CYTH1: variants seen among roughly 807,000 people sequenced by gnomAD.
The protein encoded by CYTH1 is cytohesin-1.
Under a neutral mutation model 61.8 loss-of-function variants are expected in CYTH1, and 18 were observed. The ratio of observed to expected loss-of-function variants is 0.29; its 90% CI spans 0.20 to 0.43. CYTH1 has a LOEUF of 0.43. CYTH1 is among the 20% of genes least tolerant of loss of function. The pLI, the probability that CYTH1 is intolerant of heterozygous loss-of-function variation, is 1.00. For missense variants in CYTH1, 336 were observed against 510.5 expected (o/e 0.66, Z 3.29); for synonymous variants, 174 against 184.3 (o/e 0.94, Z 0.45).
chr17:78,729,456 A>G (rs1286063325), intron 1 of CYTH1, among the ~76,000 whole-genome samples: 1 of 152,238 alleles, frequency 6.6e-6, no homozygotes, highest in Non-Finnish European at 1.5e-5. Context: ...ACCATTTTCC[A>G]TTAGTCTGGC....
intron 1 of CYTH1, among the ~76,000 whole-genome samples, chr17:78,711,767 A>G (rs1286310503): frequency 6.6e-6 from 1 of 150,662 alleles, no homozygotes; most frequent in African/African-American, 2.4e-5. Flanking sequence ...TTTTTTAAAC[A>G]TCTCAAAATC....
chr17:78,719,718 C>G (rs2093211972), intron 1 of CYTH1, among the ~76,000 whole-genome samples: 1 of 152,118 alleles, frequency 6.6e-6, no homozygotes, highest in Non-Finnish European at 1.5e-5. Context: ...AATTTTGAGA[C>G]AGTCCTCAGG....
At chr17:78,776,130 G>A (rs1176175608) in intron 1 of CYTH1, among the ~76,000 whole-genome samples, 1 of 152,068 alleles carries the variant, frequency 6.6e-6, no homozygotes, top group Admixed American at 6.6e-5. Context: ...ACTTCAGCCT[G>A]GGAAACAGAG....
intron 1 of CYTH1, among the ~76,000 whole-genome samples, chr17:78,780,358 A>T (rs1671728316): frequency 6.6e-6 from 1 of 152,122 alleles, no homozygotes. Context: ...AAATAAAAAT[A>T]ATTAGCAGGG....
chr17:78,751,430 G>C (rs1415549363), intron 1 of CYTH1, among the ~76,000 whole-genome samples: 1 of 151,740 alleles, frequency 6.6e-6, no homozygotes, highest in African/African-American at 2.4e-5. Context: ...ATTATGATTA[G>C]GGGCTATTTT....
intron 1 of CYTH1, among the ~76,000 whole-genome samples, chr17:78,763,596 C>T (rs1422381900): frequency 6.6e-6 from 1 of 151,670 alleles, no homozygotes; most frequent in Non-Finnish European, 1.5e-5. Flanking sequence ...TAATAAAGAA[C>T]ATTATAATAA....
chr17:78,698,719 C>A, intron 8 of CYTH1, 101 bp downstream of exon 8: 1 of 1,340,838 alleles, frequency 7.5e-7, no homozygotes, highest in Non-Finnish European at 1.0e-6. Flanking sequence ...AAGAGGAGAC[C>A]CTTGATAAAT....
rs59089202 is a variant in CYTH1, at chr17:78,760,585, GTA to G, written c.22+21615_22+21616del. 1.7e-4 allele frequency among the ~76,000 whole-genome samples: 8 copies of G among 47,348 alleles called. 1 individual carries two copies. The East Asian group carries it at 2.3e-3, about 13-fold the overall frequency. The allele number at this position is 47,348 out of a possible 152,430, so 31.1% of individuals were successfully genotyped here. ...TATATATATACACATACATATATAT[GTA>G]TATATATGTATATATATAGTTTAAA... On this transcript the variant is annotated intron_variant, in intron 1 of 13. Coordinates refer to ENST00000446868, the MANE Select transcript of CYTH1 (RefSeq NM_004762.6).
chr17:78,678,214 G>C (rs969123469), intron 13 of CYTH1: 1 of 152,232 alleles, frequency 6.6e-6, no homozygotes, highest in Non-Finnish European at 1.5e-5. Flanking sequence ...TAGTTTTTCT[G>C]ACTATAGAAG....
chr17:78,722,099 C>T (rs1567859679), intron 1 of CYTH1, among the ~76,000 whole-genome samples: 1 of 152,104 alleles, frequency 6.6e-6, no homozygotes, highest in Non-Finnish European at 1.5e-5. Flanking sequence ...AATCCTAGAA[C>T]TCAAAGACTT....
At chr17:78,762,467 C>T (rs1377913729) in intron 1 of CYTH1, among the ~76,000 whole-genome samples, 1 of 152,152 alleles carries the variant, frequency 6.6e-6, no homozygotes, top group East Asian at 1.9e-4. Context: ...CCCATTCTCA[C>T]AAGAAACATT....
chr17:78,740,620 G>A (rs182849944), intron 1 of CYTH1, among the ~76,000 whole-genome samples: 37 of 152,280 alleles, frequency 2.4e-4, no homozygotes, highest in African/African-American at 8.7e-4. Flanking sequence ...AGGAAATAAT[G>A]AATCTCATGT....
intron 12 of CYTH1, 130 bp downstream of exon 12, chr17:78,680,841 A>G (rs1007994013): frequency 6.6e-6 from 6 of 908,544 alleles, no homozygotes; most frequent in Admixed American, 2.1e-5. Flanking sequence ...CTTGAACAAT[A>G]TAATAAAAAA....
rs2093354067 is a variant in CYTH1, at chr17:78,744,881, C to G, written c.23-35149G>C. Among the ~76,000 whole-genome samples the G allele has an allele frequency of 4.0e-5, 6 of 151,488 alleles. No homozygotes were observed. In the South Asian group the frequency reaches 1.3e-3, roughly 32 times the overall value. On this transcript the variant is annotated intron_variant, in intron 1 of 13. Transcript: ENST00000446868. Reference sequence around the variant, plus strand: ...AAAAAAAGAAAACCTAAACCATATCCTTTGTTTTATGTACACAATTTGCAT... The same window carrying G: ...AAAAAAAGAAAACCTAAACCATATCGTTTGTTTTATGTACACAATTTGCAT...
chr17:78,718,234 C>T (rs988962987), intron 1 of CYTH1, among the ~76,000 whole-genome samples: 1 of 150,042 alleles, frequency 6.7e-6, no homozygotes, highest in African/African-American at 2.5e-5. Context: ...CACACACACA[C>T]ACACACACAC....
At position 78,751,264 on chromosome 17, in the gene CYTH1, C is replaced by A. The variant is rs138955855; in HGVS notation, c.22+30938G>T. On this transcript the variant is annotated intron_variant, in intron 1 of 13. Transcript: ENST00000446868. The stretch of plus-strand genomic sequence containing the variant: ...ACAGTGCTGGGATTACAGATGTGAG[C>A]CACCATGCCCAGCCAACTGTTGATT... Among the ~76,000 whole-genome samples, 355 of 152,258 alleles carry A rather than the reference C, an allele frequency of 2.3e-3. 5 individuals carry two copies. Among genetic ancestry groups the A allele is most frequent in the African/African-American group, 8.4e-3 (348 of 41,564 alleles).
At chr17:78,720,379 C>T (rs974201530) in intron 1 of CYTH1, among the ~76,000 whole-genome samples, 3 of 152,100 alleles carry the variant, frequency 2.0e-5, no homozygotes, top group Admixed American at 6.6e-5. Flanking sequence ...AGTGCACTGC[C>T]GCAACCTCAG....
intron 1 of CYTH1, among the ~76,000 whole-genome samples, chr17:78,755,251 C>A (rs2093395931): frequency 6.6e-6 from 1 of 152,186 alleles, no homozygotes; most frequent in African/African-American, 2.4e-5. Context: ...TCTCAGCTCA[C>A]TGCAGCCTCC....
intron 1 of CYTH1, among the ~76,000 whole-genome samples, chr17:78,739,513 G>A (rs2093333893): frequency 6.6e-6 from 1 of 152,238 alleles, no homozygotes; most frequent in Non-Finnish European, 1.5e-5. Context: ...AGGAAGAACA[G>A]TGTAGGGAGG....
Sources: gnomAD v4.1 joint callset for allele counts (sites outside exome capture counted in the v4.1 genomes callset) on GRCh38, gnomAD v4.1.1 for gene constraint, MANE v1.5 for transcripts, NCBI Gene and HGNC (gene_info 2026-07-23, HGNC 2026-07-21) for gene names.